The following SPAG9 variants were observed in gnomAD, a reference collection of about 807,000 sequenced individuals.
SPAG9 encodes sperm associated antigen 9.
In SPAG9, 35 loss-of-function variants were observed where a neutral mutation model predicts 166.5. The observed-to-expected ratio is 0.21, with a 90% confidence interval of 0.16 to 0.28. SPAG9 has a LOEUF of 0.28. Ranked by LOEUF, SPAG9 falls within the 10% of genes least tolerant of loss-of-function variation. The pLI, the probability that SPAG9 is intolerant of heterozygous loss-of-function variation, is 1.00. For missense variants in SPAG9, 1,235 were observed against 1,603.3 expected (o/e 0.77, Z 3.92); for synonymous variants, 534 against 565.5 (o/e 0.94, Z 0.79).
At position 50,974,874 on chromosome 17, in the gene SPAG9, A is replaced by G. The variant is rs755333054; in HGVS notation, c.3597T>C (p.Asp1199=). ...VIRVYGDENS[D]KVTPGTFIPY... ...GTATAAATGTCCCTGGAGTCACTTT[A>G]TCACTGTTTTCATCACCATATACAC... Residue 1199 remains aspartate (D), a synonymous_variant, in exon 28 of 30, where the codon GAT becomes GAC. Transcript: ENST00000262013. 7.4e-6 allele frequency: 12 copies of G among 1,613,396 alleles called. No individual in the cohort carries two copies. The Admixed American group carries it at 2.0e-4, about 27-fold the overall frequency.
At chr17:51,084,666 C>T (rs2048258607) in intron 1 of SPAG9, among the ~76,000 whole-genome samples, 1 of 152,036 alleles carries the variant, frequency 6.6e-6, no homozygotes, top group Non-Finnish European at 1.5e-5. Context: ...GTCTTGGCCT[C>T]CCAAAGTGCT....
At chr17:51,060,505 TAAAA>T (rs35700642) in intron 2 of SPAG9, among the ~76,000 whole-genome samples, 4 of 101,492 alleles carry the variant, frequency 3.9e-5, no homozygotes, top group South Asian at 3.2e-4. Flanking sequence ...TTTGTCTTTT[TAAAA>T]AAAAAAAAAA....
chr17:51,025,063 A>G (rs1266152211), intron 6 of SPAG9, among the ~76,000 whole-genome samples: 1 of 151,682 alleles, frequency 6.6e-6, no homozygotes, highest in African/African-American at 2.4e-5. Flanking sequence ...TCACGCCTGT[A>G]ATCCCAGCAC....
intron 5 of SPAG9, among the ~76,000 whole-genome samples, chr17:51,036,664 A>C (rs1004338824): frequency 6.6e-6 from 1 of 151,950 alleles, no homozygotes; most frequent in Non-Finnish European, 1.5e-5. Flanking sequence ...TTGTACCCCC[A>C]AGCCTGGCTG....
At chr17:51,068,605 C>T (rs774582615) in intron 2 of SPAG9, among the ~76,000 whole-genome samples, 5 of 152,148 alleles carry the variant, frequency 3.3e-5, no homozygotes, top group Non-Finnish European at 5.9e-5. Flanking sequence ...AGAAATACTT[C>T]CTCATGACCA....
At chr17:51,005,159 G>A (rs924683626) in intron 12 of SPAG9, 53 bp downstream of exon 12, 55 of 1,503,204 alleles carry the variant, frequency 3.7e-5, no homozygotes, top group Admixed American at 1.9e-4. Flanking sequence ...AGATCTTCCC[G>A]AAACACCAAA....
chr17:50,977,387 G>A lies in SPAG9; in HGVS notation c.3410-166C>T, dbSNP rs560596438. Among the ~76,000 whole-genome samples, 148 of 152,252 alleles carry A rather than the reference G, an allele frequency of 9.7e-4. 1 individual carries two copies. The highest frequency in any genetic ancestry group is 6.6e-4 in the Non-Finnish European group (45 of 68,012). The stretch of plus-strand genomic sequence containing the variant: ...GAAATGTGACTAGAGCTAGATGGAT[G>A]TTTCCTGAAGGTTCACATCAAAGTA... On this transcript the variant is annotated intron_variant, in intron 26 of 29. Coordinates refer to ENST00000262013, the MANE Select transcript of SPAG9 (RefSeq NM_001130528.3).
At chr17:50,983,461 TTATC>T (rs1974802160) in intron 24 of SPAG9, among the ~76,000 whole-genome samples, 1 of 152,228 alleles carries the variant, frequency 6.6e-6, no homozygotes, top group East Asian at 1.9e-4. Flanking sequence ...TATGCTGTCT[TTATC>T]TAGCCTAGTA....
intron 2 of SPAG9, among the ~76,000 whole-genome samples, chr17:51,073,983 T>G (rs1350132709): frequency 6.6e-6 from 1 of 152,180 alleles, no homozygotes; most frequent in African/African-American, 2.4e-5. Context: ...ACGCCTGTAA[T>G]CCCAGCACTT....
At position 51,086,505 on chromosome 17, in the gene SPAG9, T is replaced by A. The variant is rs199854469; in HGVS notation, c.304-6801A>T. On this transcript the variant is annotated intron_variant, in intron 1 of 29. Transcript: ENST00000262013. ...AAAACACGATAAAAAAAAAAAAAAT[T>A]AGCCAGGCATGGTGGCATGCACCTG... 3.3e-5 allele frequency among the ~76,000 whole-genome samples: 5 copies of A among 150,068 alleles called. No individual in the cohort carries two copies. The East Asian group carries it at 7.8e-4, about 24-fold the overall frequency.
intron 19 of SPAG9, among the ~76,000 whole-genome samples, chr17:50,992,148 A>C (rs570949472): frequency 5.9e-5 from 9 of 151,730 alleles, no homozygotes; most frequent in African/African-American, 2.2e-4. Context: ...TTGGCCTCTG[A>C]AAGTGCTGGG....
At chr17:51,091,939 T>C (rs1272163017) in intron 1 of SPAG9, among the ~76,000 whole-genome samples, 1 of 148,124 alleles carries the variant, frequency 6.8e-6, no homozygotes, top group East Asian at 2.0e-4. Flanking sequence ...CCCACTGTTC[T>C]GGGGAAAAAC....
At chr17:51,072,324 G>A (rs988952317) in intron 2 of SPAG9, among the ~76,000 whole-genome samples, 14 of 147,920 alleles carry the variant, frequency 9.5e-5, no homozygotes, top group African/African-American at 2.7e-4. Context: ...CGCCTGCCTC[G>A]GCCTCCCAAA....
chr17:51,053,873 A>AG (rs1568045064), intron 3 of SPAG9, among the ~76,000 whole-genome samples: 27 of 101,614 alleles, frequency 2.7e-4, no homozygotes, highest in African/African-American at 7.3e-4. Flanking sequence ...ATATATATAT[A>AG]TATATATATA....
At chr17:50,987,918 T>G (rs1428484247) in intron 21 of SPAG9, among the ~76,000 whole-genome samples, 1 of 152,220 alleles carries the variant, frequency 6.6e-6, no homozygotes, top group East Asian at 1.9e-4. Flanking sequence ...TGACTTATTC[T>G]TAAATTAATA....
In SPAG9 at chr17:51,088,124, CACTA is replaced by C. The variant is rs367674278; in HGVS notation, c.304-8424_304-8421del. On this transcript the variant is annotated intron_variant, in intron 1 of 29. Transcript: ENST00000262013. ...CTACTTCTATAATTTCCACTTAACA[CACTA>C]ACTGAGATAACAAAAATAGGAAACA... Among the ~76,000 whole-genome samples the C allele has an allele frequency of 3.5e-3, 535 of 152,254 alleles. 2 individuals carry two copies. Among genetic ancestry groups the C allele is most frequent in the African/African-American group, 0.012 (514 of 41,546 alleles).
intron 6 of SPAG9, 147 bp from the exon 7 acceptor site, chr17:51,021,512 G>A (rs2045935700): frequency 1.6e-6 from 1 of 611,794 alleles, no homozygotes; most frequent in Admixed American, 3.0e-5. Context: ...TTACCGGTAA[G>A]TACTCTCTTT....
Position 50,990,581 on chromosome 17 carries a change from C to T in SPAG9, c.2486G>A (p.Ser829Asn), listed in dbSNP as rs1302745509. ...DKASLCGSMT[S>N]NSSAETDSLL... is the part of the protein sequence containing the mutation. ...GCTGTCTGTCTCTGCTGAGCTGTTG[C>T]TTGTCATACTTCCACATAAAGATGC... The change falls in exon 20 of 30, where the codon AGC becomes AAC. Residue 829 changes from serine to asparagine, a missense_variant. Physicochemically the swap from Ser to Asn is conservative, Grantham distance 46. This residue lies in a region of SPAG9 where 493 missense variants were observed against 559.4 expected (regional missense o/e 0.88). Coordinates refer to ENST00000262013, the MANE Select transcript of SPAG9 (RefSeq NM_001130528.3). The T allele has an allele frequency of 4.3e-6, 7 of 1,614,098 alleles. No homozygotes were observed. Among genetic ancestry groups the T allele is most frequent in the Non-Finnish European group, 5.1e-6 (6 of 1,180,020 alleles).
At chr17:51,098,790 C>A (rs936241774) in intron 1 of SPAG9, among the ~76,000 whole-genome samples, 4 of 151,626 alleles carry the variant, frequency 2.6e-5, no homozygotes, top group Non-Finnish European at 5.9e-5. Flanking sequence ...CTGTGCCCAG[C>A]CGGATGGGTT....
Sources: allele counts gnomAD v4.1 joint callset (sites outside exome capture counted in the v4.1 genomes callset), GRCh38; gene constraint gnomAD v4.1.1; regional missense constraint gnomAD v4.1.1; transcripts MANE v1.5; gene names NCBI Gene and HGNC (gene_info 2026-07-23, HGNC 2026-07-21).